Variants in METTL15 observed in about 807,000 individuals in gnomAD.
METTL15 encodes 12S rRNA N(4)-cytidine methyltransferase METTL15.
In METTL15, 34 loss-of-function variants were observed where a neutral mutation model predicts 38.3. That is an observed-to-expected ratio of 0.89 (90% CI 0.68 to 1.18). The LOEUF (loss-of-function observed/expected upper bound fraction) is 1.18. Ranked by LOEUF, METTL15 falls within the 50% of genes most tolerant of loss-of-function variation. The pLI is 0.00. For synonymous variants in METTL15, 162 were observed against 170.9 expected, an observed-to-expected ratio of 0.95 and a Z score of 0.41; for missense variants, 438 against 498.4, an observed-to-expected ratio of 0.88 and a Z score of 1.15.
At position 28,296,811 on chromosome 11, in the gene METTL15, G is replaced by T. The variant is rs1282757459; in HGVS notation, c.658G>T (p.Ala220Ser). The T allele has an allele frequency of 6.2e-7, 1 of 1,613,514 alleles. No individual in the cohort carries two copies. The part of the protein sequence containing the change: ...VVNALDQQAL[A>S]SILRTYGEEK... ...GAATGCTTTAGATCAACAGGCACTTGCATCTATCCTAAGAACATACGGGGA... is the reference window on the plus strand; with the variant it reads ...GAATGCTTTAGATCAACAGGCACTTTCATCTATCCTAAGAACATACGGGGA... The change falls in exon 6 of 7, where the codon GCA becomes TCA. Residue 220 changes from alanine (A) to serine (S), a missense_variant. Ala to Ser is a moderately conservative substitution (Grantham distance 99). Transcript: ENST00000407364.
chr11:28,341,345 T>G (rs766469977), intron 3 of METTL15, among the ~76,000 whole-genome samples: 3 of 152,186 alleles, frequency 2.0e-5, no homozygotes, highest in African/African-American at 7.2e-5. Flanking sequence ...TATTTACTCT[T>G]CTGTCCTTAG....
At chr11:28,274,114 A>T (rs989272496) in intron 4 of METTL15, among the ~76,000 whole-genome samples, 39 of 152,072 alleles carry the variant, frequency 2.6e-4, no homozygotes, top group Admixed American at 2.6e-3. Context: ...ACTTCAATAG[A>T]GTGTGGCTAA....
intron 4 of METTL15, among the ~76,000 whole-genome samples, chr11:28,229,630 G>T (rs531456164): frequency 6.6e-6 from 1 of 152,068 alleles, no homozygotes; most frequent in African/African-American, 2.4e-5. Flanking sequence ...ACAGCAAGAG[G>T]CTCCCTTTTA....
rs1850014879 is a variant in METTL15 at position 28,348,454 on chromosome 11, G to T, written c.*190-3636G>T. Among the ~76,000 whole-genome samples the T allele has an allele frequency of 1.3e-5, 2 of 151,866 alleles. 1 individual carries two copies. Among genetic ancestry groups the T allele is most frequent in the Admixed American group, 1.3e-4 (2 of 15,270 alleles). The stretch of plus-strand genomic sequence containing the variant: ...GCAATCATGGCTTATTGCAGCCTCA[G>T]CCTCCTGGACTCAAGCAATCTTCTC... On this transcript the variant is annotated intron_variant and NMD_transcript_variant, in intron 3 of 7. Coordinates refer to the METTL15 transcript ENST00000532947.
At chr11:28,469,750 A>G (rs1001220613) in intron 6 of METTL15, among the ~76,000 whole-genome samples, 1 of 152,166 alleles carries the variant, frequency 6.6e-6, no homozygotes, top group Non-Finnish European at 1.5e-5. Context: ...AGAAAGTATG[A>G]TGATGTGCAT....
intron 5 of METTL15, among the ~76,000 whole-genome samples, chr11:28,377,776 C>G (rs1850334043): frequency 6.6e-6 from 1 of 150,768 alleles, no homozygotes. Context: ...TGTTTTTTCC[C>G]CATCTTTGTG....
intron 4 of METTL15, among the ~76,000 whole-genome samples, chr11:28,213,678 C>T (rs1452168251): frequency 4.6e-5 from 6 of 131,706 alleles, no homozygotes; most frequent in South Asian, 2.4e-4. Flanking sequence ...TTTTTTGAGA[C>T]GGAGTCTAGC....
intron 3 of METTL15, among the ~76,000 whole-genome samples, chr11:28,179,990 A>G (rs1389890606): frequency 6.6e-6 from 1 of 151,670 alleles, no homozygotes; most frequent in Non-Finnish European, 1.5e-5. Flanking sequence ...TACTTGATGA[A>G]TGATGATATT....
intron 3 of METTL15, among the ~76,000 whole-genome samples, chr11:28,191,492 G>A (rs781569141): frequency 3.6e-4 from 54 of 150,854 alleles, no homozygotes; most frequent in Non-Finnish European, 7.1e-4. Flanking sequence ...CTTCCAAAAG[G>A]TTTTTTTTCA....
chr11:28,339,802 A>G (rs1026849302), intron 3 of METTL15, among the ~76,000 whole-genome samples: 3 of 152,182 alleles, frequency 2.0e-5, no homozygotes, highest in African/African-American at 7.2e-5. Context: ...TTGAAAGGAA[A>G]GAGGCATTCT....
At chr11:28,276,506 C>T (rs1057379901) in intron 4 of METTL15, among the ~76,000 whole-genome samples, 31 of 152,102 alleles carry the variant, frequency 2.0e-4, no homozygotes, top group African/African-American at 7.5e-4. Context: ...TTACAGTGAC[C>T]ATATTGCCCA....
intron 6 of METTL15, among the ~76,000 whole-genome samples, chr11:28,309,191 G>A (rs1857187783): frequency 6.6e-6 from 1 of 152,132 alleles, no homozygotes; most frequent in Non-Finnish European, 1.5e-5. Flanking sequence ...TCCTGGCGTT[G>A]TTGTCCTTAC....
chr11:28,243,649 T>C (rs1046734189), intron 4 of METTL15, among the ~76,000 whole-genome samples: 1 of 152,198 alleles, frequency 6.6e-6, no homozygotes, highest in African/African-American at 2.4e-5. Context: ...GATCTCCAAG[T>C]ACATTATGAT....
At chr11:28,191,754 A>G (rs1251683638) in intron 3 of METTL15, among the ~76,000 whole-genome samples, 1 of 151,616 alleles carries the variant, frequency 6.6e-6, no homozygotes, top group Admixed American at 6.6e-5. Context: ...AAGTTGATTT[A>G]TTTTTAAGCC....
At chr11:28,335,047 G>A (rs537191875), downstream of METTL15, among the ~76,000 whole-genome samples, 108 of 152,280 alleles carry the variant, frequency 7.1e-4, no homozygotes, top group African/African-American at 1.6e-3. Flanking sequence ...TTGCTCAAAT[G>A]TTAGAATACA....
At chr11:28,136,363 T>C (rs1431177385) in intron 3 of METTL15, among the ~76,000 whole-genome samples, 1 of 152,164 alleles carries the variant, frequency 6.6e-6, no homozygotes, top group Non-Finnish European at 1.5e-5. Flanking sequence ...CTGCACAAGC[T>C]CTCTTGCTTG....
chr11:28,341,981 G>C (rs1294807247), intron 3 of METTL15, among the ~76,000 whole-genome samples: 1 of 152,066 alleles, frequency 6.6e-6, no homozygotes, highest in Admixed American at 6.5e-5. Flanking sequence ...ACCCAATCTA[G>C]ATCTTTCCTA....
chr11:28,201,029 A>G (rs899702537), intron 3 of METTL15, among the ~76,000 whole-genome samples: 1 of 152,116 alleles, frequency 6.6e-6, no homozygotes, highest in African/African-American at 2.4e-5. Flanking sequence ...CCCATTCAAT[A>G]TGATGTTGGC....
intron 3 of METTL15, among the ~76,000 whole-genome samples, chr11:28,202,095 G>C (rs1852138803): frequency 6.6e-6 from 1 of 152,078 alleles, no homozygotes; most frequent in Admixed American, 6.6e-5. Context: ...TTTTATGTAA[G>C]ATAGTATAGC....
Sources: allele counts gnomAD v4.1 joint callset (sites outside exome capture counted in the v4.1 genomes callset), GRCh38; gene constraint gnomAD v4.1.1; transcripts MANE v1.5; gene names NCBI Gene and HGNC (gene_info 2026-07-23, HGNC 2026-07-21).